Variants in RBFOX1 observed in about 807,000 individuals in gnomAD.
The protein encoded by RBFOX1 is RNA binding fox-1 homolog 1, also known as RNA binding protein fox-1 homolog 1.
RBFOX1 carries 8 observed loss-of-function variants against 57.7 expected under a neutral mutation model. The observed-to-expected ratio is 0.14, with a 90% CI of 0.08 to 0.25. The LOEUF (loss-of-function observed/expected upper bound fraction) is 0.25. Ranked by LOEUF, RBFOX1 falls within the 10% of genes least tolerant of loss-of-function variation. The pLI is 1.00. For missense variants in RBFOX1, 611 were observed against 548.5 expected, an observed-to-expected ratio of 1.11 and a Z score of -1.14; for synonymous variants, 326 against 222.4, an observed-to-expected ratio of 1.47 and a Z score of -4.15.
chr16:5,985,409 G>T (rs1300728002), intron 4 of RBFOX1, among the ~76,000 whole-genome samples: 1 of 152,058 alleles, frequency 6.6e-6, no homozygotes, highest in Non-Finnish European at 1.5e-5. Context: ...GTCCTGTAAG[G>T]TATAATAGTT....
intron 4 of RBFOX1, among the ~76,000 whole-genome samples, chr16:5,890,481 G>A (rs1047259111): frequency 2.6e-5 from 4 of 152,062 alleles, no homozygotes; most frequent in Middle Eastern, 3.4e-3. Flanking sequence ...GGCAGATCAC[G>A]AGGTCAGGAG....
intron 1 of RBFOX1, among the ~76,000 whole-genome samples, chr16:5,340,987 C>G (rs2065019470): frequency 6.6e-6 from 1 of 152,088 alleles, no homozygotes; most frequent in Non-Finnish European, 1.5e-5. Flanking sequence ...TAAGCAGTGA[C>G]CTGTGTGATA....
At chr16:7,371,891 A>G (rs1263431292) in intron 4 of RBFOX1, among the ~76,000 whole-genome samples, 1 of 151,816 alleles carries the variant, frequency 6.6e-6, no homozygotes, top group Non-Finnish European at 1.5e-5. Flanking sequence ...ACTTGATGAT[A>G]TGCCATGGAG....
chr16:6,904,856 G>C lies in RBFOX1; in HGVS notation c.-15-147201G>C, dbSNP rs573098023. On this transcript the variant is annotated intron_variant, in intron 3 of 15. Transcript: ENST00000550418. ...TTAGAGAAGAATTGTTTTGTTCTGC[G>C]TTGGGTGAAGTTTCTCTCTATTACA... Among the ~76,000 whole-genome samples, 196 of 152,220 alleles carry C rather than the reference G, an allele frequency of 1.3e-3. 1 individual carries two copies. The highest frequency in any genetic ancestry group is 4.3e-3 in the African/African-American group (179 of 41,520).
At chr16:6,158,355 C>T (rs1184288723) in intron 1 of RBFOX1, among the ~76,000 whole-genome samples, 1 of 152,174 alleles carries the variant, frequency 6.6e-6, no homozygotes, top group Non-Finnish European at 1.5e-5. Context: ...GTCAGAAGTT[C>T]AGTGGGGTTC....
At chr16:7,360,506 A>G (rs567905433) in intron 4 of RBFOX1, among the ~76,000 whole-genome samples, 1 of 152,220 alleles carries the variant, frequency 6.6e-6, no homozygotes, top group Non-Finnish European at 1.5e-5. Context: ...CCTAGCTACA[A>G]CCTTCCTGGT....
chr16:7,233,166 A>G (rs960347003), intron 4 of RBFOX1, among the ~76,000 whole-genome samples: 1 of 151,306 alleles, frequency 6.6e-6, no homozygotes, highest in Non-Finnish European at 1.5e-5. Context: ...AACCACCTTC[A>G]TATAAAGCCC....
intron 15 of RBFOX1, chr16:7,710,351 T>G: frequency 7.8e-7 from 1 of 1,280,644 alleles, no homozygotes; most frequent in Non-Finnish European, 9.8e-7. Context: ...ACAGTGAAAA[T>G]CCTTCCATTG....
intron 2 of RBFOX1, among the ~76,000 whole-genome samples, chr16:6,535,452 C>A (rs1272432804): frequency 6.6e-6 from 1 of 152,158 alleles, no homozygotes; most frequent in African/African-American, 2.4e-5. Flanking sequence ...ATTTTCTTTT[C>A]ATACCACCCA....
chr16:5,324,013 C>G (rs1037701419), intron 1 of RBFOX1, among the ~76,000 whole-genome samples: 5 of 152,262 alleles, frequency 3.3e-5, no homozygotes, highest in African/African-American at 4.8e-5. Context: ...TTCCCCTACA[C>G]TGTCTCAGAT....
intron 3 of RBFOX1, among the ~76,000 whole-genome samples, chr16:5,649,276 C>T (rs1187982335): frequency 6.6e-6 from 1 of 152,036 alleles, no homozygotes; most frequent in Non-Finnish European, 1.5e-5. Context: ...TCAAGCGATT[C>T]TCTTGTCTCA....
intron 3 of RBFOX1, among the ~76,000 whole-genome samples, chr16:6,798,441 G>C (rs1438241937): frequency 6.6e-6 from 1 of 152,184 alleles, no homozygotes; most frequent in Non-Finnish European, 1.5e-5. Context: ...GAGAGACAGA[G>C]AGCTGCTATG....
At chr16:5,641,088 C>T (rs1009057514) in intron 3 of RBFOX1, among the ~76,000 whole-genome samples, 8 of 151,452 alleles carry the variant, frequency 5.3e-5, no homozygotes, top group African/African-American at 1.9e-4. Flanking sequence ...CACACACATG[C>T]ACACCATGCA....
intron 1 of RBFOX1, among the ~76,000 whole-genome samples, chr16:5,248,821 T>A (rs2062370129): frequency 6.6e-6 from 1 of 151,818 alleles, no homozygotes; most frequent in African/African-American, 2.4e-5. Flanking sequence ...AAAGCCTGTC[T>A]CTAATAAAAA....
At chr16:5,383,937 T>C (rs1465571572) in intron 1 of RBFOX1, among the ~76,000 whole-genome samples, 1 of 152,246 alleles carries the variant, frequency 6.6e-6, no homozygotes, top group African/African-American at 2.4e-5. Context: ...CTCAGGTTTG[T>C]TCTCTTTCTT....
At chr16:6,657,041 T>C (rs1274827937) in intron 3 of RBFOX1, among the ~76,000 whole-genome samples, 1 of 103,694 alleles carries the variant, frequency 9.6e-6, no homozygotes, top group African/African-American at 4.0e-5. Flanking sequence ...TCCTCCCCTT[T>C]CCTCTCCTCT....
At chr16:6,588,137 A>G (rs1381682555) in intron 2 of RBFOX1, among the ~76,000 whole-genome samples, 6 of 151,860 alleles carry the variant, frequency 4.0e-5, no homozygotes, top group Admixed American at 1.3e-4. Context: ...AGGCTGAGGC[A>G]GGAGAATTGC....
chr16:6,322,286 G>C (rs1479192049), intron 2 of RBFOX1, among the ~76,000 whole-genome samples: 2 of 152,184 alleles, frequency 1.3e-5, no homozygotes, highest in East Asian at 3.9e-4. Context: ...ATATCGTCTA[G>C]TTGGTTGTTG....
chr16:5,748,394 C>A (rs1015755289), intron 3 of RBFOX1, among the ~76,000 whole-genome samples: 1 of 152,128 alleles, frequency 6.6e-6, no homozygotes, highest in African/African-American at 2.4e-5. Context: ...ATTAGGTCTG[C>A]TTGGTGCAGA....
Sources: gnomAD v4.1 joint callset for allele counts (sites outside exome capture counted in the v4.1 genomes callset) on GRCh38, gnomAD v4.1.1 for gene constraint, MANE v1.5 for transcripts, NCBI Gene and HGNC (gene_info 2026-07-23, HGNC 2026-07-21) for gene names.